Variants in PCDHGA7 observed in about 807,000 individuals in gnomAD.
PCDHGA7 encodes protocadherin gamma-A7.
In PCDHGA7, 44 loss-of-function variants were observed where a neutral mutation model predicts 58.3. The observed-to-expected ratio is 0.75, with a 90% CI of 0.59 to 0.97. The LOEUF (loss-of-function observed/expected upper bound fraction) is 0.97, where lower values mean the gene tolerates loss of function less well. PCDHGA7 is among the 50% of genes least tolerant of loss of function. PCDHGA7 has a pLI of 0.00. For synonymous variants in PCDHGA7, 516 were observed against 504.2 expected (o/e 1.02, Z -0.31); for missense variants, 1,266 against 1,188.7 (o/e 1.06, Z -0.96).
At chr5:141,415,425 T>G (rs777503392) in intron 1 of PCDHGA7, 7 of 1,614,080 alleles carry the variant, frequency 4.3e-6, no homozygotes, top group African/African-American at 1.3e-5. Context: ...TGGACGGGGT[T>G]CGGGCTTTCC....
intron 1 of PCDHGA7, chr5:141,428,158 G>C (rs776350833): frequency 3.8e-6 from 6 of 1,577,610 alleles, no homozygotes; most frequent in Non-Finnish European, 5.2e-6. Context: ...GGAACCTGCT[G>C]GTTGCTGTGC....
At chr5:141,421,823 G>A in intron 1 of PCDHGA7, 1 of 1,613,802 alleles carries the variant, frequency 6.2e-7, no homozygotes. Flanking sequence ...GTACTGGAGG[G>A]AAGCCTGGAC....
intron 1 of PCDHGA7, among the ~76,000 whole-genome samples, chr5:141,457,904 T>C (rs960822555): frequency 6.0e-5 from 9 of 150,288 alleles, no homozygotes; most frequent in African/African-American, 2.2e-4. Context: ...GTAGACAAGG[T>C]GTGAGGCCAG....
intron 2 of PCDHGA7, among the ~76,000 whole-genome samples, chr5:141,497,390 C>T (rs2099776143): frequency 6.6e-6 from 1 of 152,158 alleles, no homozygotes; most frequent in Non-Finnish European, 1.5e-5. Context: ...GAGCACCTTA[C>T]CCCTGCCTCA....
In PCDHGA7 at chr5:141,382,895, C is replaced by A. The variant is rs1554087243; in HGVS notation, c.-5C>A. Reference sequence around the variant, plus strand: ...CGGCGCCTAAGCAAGAGAAGCAGGACGACTATGGCGGCTCAGCCGAGGGGC... The same window carrying A: ...CGGCGCCTAAGCAAGAGAAGCAGGAAGACTATGGCGGCTCAGCCGAGGGGC... On this transcript the variant is annotated 5_prime_UTR_variant, in exon 1 of 4. Coordinates refer to ENST00000518325, the MANE Select transcript of PCDHGA7 (RefSeq NM_018920.4). 1 of 1,536,202 alleles carries A rather than the reference C, an allele frequency of 6.5e-7. No homozygotes were observed. The highest frequency in any genetic ancestry group is 1.3e-5 in the South Asian group (1 of 78,494).
intron 1 of PCDHGA7, chr5:141,419,302 C>A: frequency 6.2e-7 from 1 of 1,614,024 alleles, no homozygotes; most frequent in Non-Finnish European, 8.5e-7. Flanking sequence ...ACCCAGACTT[C>A]GGGCTCAACG....
rs2099698809 is a variant in PCDHGA7 at position 141,490,343 on chromosome 5, T to C, written c.2425-4464T>C. On this transcript the variant is annotated intron_variant, in intron 1 of 3. Transcript: ENST00000518325. This position sits in a 1 kb window ranked among gnomAD's most constrained non-coding sequence, Gnocchi z 5.4. ...CTAGAGAGCACACCAGTGGGCACAG[T>C]AGTGGGGTTGTTTAATGTGCGAGAC... The C allele has an allele frequency of 6.2e-7, 1 of 1,614,018 alleles. No individual in the cohort carries two copies. Among genetic ancestry groups the C allele is most frequent in the Admixed American group, 1.7e-5 (1 of 60,006 alleles).
At chr5:141,385,409 T>C in intron 1 of PCDHGA7, 86 bp downstream of exon 1, 1 of 1,478,112 alleles carries the variant, frequency 6.8e-7, no homozygotes, top group South Asian at 1.4e-5. Context: ...GTTTTGAAAA[T>C]AGGGATTTAA....
At chr5:141,429,469 T>C (rs547784462) in intron 1 of PCDHGA7, among the ~76,000 whole-genome samples, 4 of 151,932 alleles carry the variant, frequency 2.6e-5, no homozygotes, top group African/African-American at 4.8e-5. Context: ...CCCACCTCAA[T>C]CTCCAGAGTA....
chr5:141,382,872 G>T lies in PCDHGA7; in HGVS notation c.-28G>T. On this transcript the variant is annotated 5_prime_UTR_variant, in exon 1 of 4. Coordinates refer to ENST00000518325, the MANE Select transcript of PCDHGA7 (RefSeq NM_018920.4). ...CATTCTGAAGCACTTCCCGAGATCG[G>T]CGCCTAAGCAAGAGAAGCAGGACGA... 6.6e-7 allele frequency: 1 copy of T among 1,522,356 alleles called. No homozygotes were observed. The highest frequency in any genetic ancestry group is 8.8e-7 in the Non-Finnish European group (1 of 1,136,812). 94.3% of individuals were successfully genotyped at this position (1,522,356 alleles called of 1,614,324 possible). A position where few individuals can be genotyped will look rare whatever the true frequency, so the allele number is the denominator to read the frequency against.
intron 2 of PCDHGA7, among the ~76,000 whole-genome samples, chr5:141,498,847 C>T (rs932801278): frequency 1.3e-5 from 2 of 151,856 alleles, no homozygotes; most frequent in Admixed American, 1.3e-4. Flanking sequence ...GCAGGGGAAT[C>T]GCTTGAACCC....
chr5:141,499,073 G>T (rs2099789305), intron 2 of PCDHGA7, among the ~76,000 whole-genome samples: 1 of 152,064 alleles, frequency 6.6e-6, no homozygotes, highest in Admixed American at 6.5e-5. Flanking sequence ...CTTACATTCT[G>T]AAGTTCCTGC....
chr5:141,395,086 C>A, intron 1 of PCDHGA7: 1 of 1,614,166 alleles, frequency 6.2e-7, no homozygotes, highest in Non-Finnish European at 8.5e-7. Context: ...CAGGAAGTCT[C>A]CCTCACCGCC....
chr5:141,457,058 T>A (rs756862311), intron 1 of PCDHGA7, among the ~76,000 whole-genome samples: 2 of 152,230 alleles, frequency 1.3e-5, no homozygotes, highest in Non-Finnish European at 2.9e-5. Flanking sequence ...TCATGCTTCC[T>A]TTTTGCCAGT....
chr5:141,423,749 T>TG, intron 1 of PCDHGA7: 2 of 272,262 alleles, frequency 7.3e-6, no homozygotes, highest in Non-Finnish European at 4.7e-6. Flanking sequence ...TGAAAACTGT[T>TG]TGGGGGGGGG....
intron 3 of PCDHGA7, chr5:141,507,424 G>C (rs577364087): frequency 6.6e-6 from 1 of 152,202 alleles, no homozygotes; most frequent in African/African-American, 2.4e-5. Context: ...GGTTAAGTGG[G>C]GCCAGGCCTA....
At chr5:141,394,945 T>A in intron 1 of PCDHGA7, 1 of 1,613,892 alleles carries the variant, frequency 6.2e-7, no homozygotes, top group African/African-American at 1.3e-5. Context: ...GTCGCTGTGC[T>A]TCTGGGGCTC....
chr5:141,391,895 A>C (rs1315243362), intron 1 of PCDHGA7: 1 of 152,202 alleles, frequency 6.6e-6, no homozygotes, highest in Non-Finnish European at 1.5e-5. Context: ...GATGGGATGG[A>C]GCTTTGCTTT....
chr5:141,398,900 G>C (rs765284630), intron 1 of PCDHGA7: 1 of 1,613,964 alleles, frequency 6.2e-7, no homozygotes, highest in South Asian at 1.1e-5. Context: ...GTGCCACCAG[G>C]CACCACTGTG....
Sources: gnomAD v4.1 joint callset for allele counts (sites outside exome capture counted in the v4.1 genomes callset) on GRCh38, gnomAD v4.1.1 for gene constraint, Gnocchi (gnomAD v3.1) non-coding constraint, MANE v1.5 for transcripts, NCBI Gene and HGNC (gene_info 2026-07-23, HGNC 2026-07-21) for gene names.